The following FGD5 variants were observed in gnomAD, a reference collection of about 807,000 sequenced individuals.
FGD5 encodes FYVE, RhoGEF and PH domain containing 5.
In FGD5, 28 loss-of-function variants were observed where a neutral mutation model predicts 133.4. The ratio of observed to expected loss-of-function variants is 0.21; its 90% confidence interval spans 0.16 to 0.29. The LOEUF is 0.29. Among genes scored for constraint, FGD5 ranks in the 10% least tolerant of loss-of-function variants. FGD5 has a pLI of 1.00. For missense variants in FGD5, 1,858 were observed against 1,895.2 expected (o/e 0.98, Z 0.36); for synonymous variants, 810 against 776.5 (o/e 1.04, Z -0.72).
intron 1 of FGD5, among the ~76,000 whole-genome samples, chr3:14,843,182 C>T (rs758590433): frequency 1.4e-4 from 21 of 152,040 alleles, no homozygotes; most frequent in Non-Finnish European, 2.4e-4. Flanking sequence ...CTGTGGCTCT[C>T]GATGAAAGGA....
intron 1 of FGD5, among the ~76,000 whole-genome samples, chr3:14,859,364 C>T (rs1169025708): frequency 6.6e-6 from 1 of 152,068 alleles, no homozygotes; most frequent in Admixed American, 6.6e-5. Flanking sequence ...CGAGACCAGC[C>T]TGGCCAAGAT....
intron 2 of FGD5, among the ~76,000 whole-genome samples, chr3:14,873,261 T>G (rs1207129292): frequency 6.6e-6 from 1 of 152,088 alleles, no homozygotes; most frequent in African/African-American, 2.4e-5. Context: ...TTGAGGAGTT[T>G]AGGATTTTGT....
At chr3:14,876,172 G>A (rs967538693) in intron 2 of FGD5, among the ~76,000 whole-genome samples, 5 of 152,182 alleles carry the variant, frequency 3.3e-5, no homozygotes, top group African/African-American at 1.2e-4. Context: ...ACCATCCTGA[G>A]GGACAGGCCA....
intron 11 of FGD5, among the ~76,000 whole-genome samples, chr3:14,912,394 C>T (rs532372906): frequency 1.3e-3 from 203 of 152,190 alleles, no homozygotes; most frequent in Non-Finnish European, 2.4e-3. Flanking sequence ...CTGCAGTGGG[C>T]GAGATTTAGC....
intron 1 of FGD5, among the ~76,000 whole-genome samples, chr3:14,851,248 C>T (rs2037158251): frequency 6.6e-6 from 1 of 152,182 alleles, no homozygotes; most frequent in Non-Finnish European, 1.5e-5. Flanking sequence ...CAGATGTCAT[C>T]TCATCTGATC....
In FGD5 at chr3:14,851,246, A is replaced by G. The variant is rs149269733; in HGVS notation, c.2526-12882A>G. 2.0e-3 allele frequency among the ~76,000 whole-genome samples: 307 copies of G among 152,306 alleles called. 1 individual carries two copies. The highest frequency in any genetic ancestry group is 6.9e-3 in the African/African-American group (285 of 41,572). On this transcript the variant is annotated intron_variant, in intron 1 of 19. Transcript: ENST00000285046. ...GTCGTATACCTCATTTACAGATGTC[A>G]TCTCATCTGATCCCTACATAGACCC...
Position 14,897,646 on chromosome 3 carries a change from G to C in FGD5, c.2886G>C (p.Glu962Asp), listed in dbSNP as rs1282634363. ...ACCTTCATCAAGGCATCCTGGAGGAGCTGGAGGAAAGGCTGTCAAATTGGT... is the reference window on the plus strand; with the variant it reads ...ACCTTCATCAAGGCATCCTGGAGGACCTGGAGGAAAGGCTGTCAAATTGGT... The part of the protein sequence containing the change: ...IHDLHQGILE[E>D]LEERLSNWES... The change falls in exon 5 of 20, where the codon GAG (glutamate) becomes GAC (aspartate). Residue 962 changes from glutamate (E) to aspartate (D), a missense_variant. Around this residue, in one of 3 missense-constraint regions of FGD5, gnomAD observed 1,824 missense variants for 1,848.9 expected, o/e 0.99. Coordinates refer to ENST00000285046, the MANE Select transcript of FGD5 (RefSeq NM_152536.4). The C allele has an allele frequency of 6.2e-7, 1 of 1,605,362 alleles. No homozygotes were observed. Among genetic ancestry groups the C allele is most frequent in the South Asian group, 1.1e-5 (1 of 89,064 alleles).
At chr3:14,861,798 G>T (rs548829524) in intron 1 of FGD5, among the ~76,000 whole-genome samples, 2 of 152,166 alleles carry the variant, frequency 1.3e-5, no homozygotes, top group Non-Finnish European at 2.9e-5. Flanking sequence ...CCCAGGTCCC[G>T]CAGGCTTGCT....
At chr3:14,890,301 A>G (rs962535798) in intron 4 of FGD5, among the ~76,000 whole-genome samples, 1 of 152,056 alleles carries the variant, frequency 6.6e-6, no homozygotes, top group African/African-American at 2.4e-5. Flanking sequence ...CCCCATCACA[A>G]CATAGGCTCC....
intron 2 of FGD5, among the ~76,000 whole-genome samples, chr3:14,867,462 A>G (rs1214825846): frequency 2.6e-5 from 4 of 152,202 alleles, no homozygotes; most frequent in Non-Finnish European, 4.4e-5. Context: ...ATACCTCCTT[A>G]TGCACATAAA....
Position 14,819,107 on chromosome 3 carries a change from G to A in FGD5, c.36G>A (p.Lys12=). ...FRGPKPPIAP[K]PRLTAPNEWR... ...GTCCGAAGCCCCCCATTGCCCCCAA[G>A]CCCAGGCTGACTGCCCCAAACGAGT... Residue 12 remains lysine, a synonymous_variant, in exon 1 of 20, where the codon AAG becomes AAA. Transcript: ENST00000285046. The surrounding 1 kb of genome is among the most constrained non-coding windows in gnomAD (Gnocchi z 4.1). The A allele has an allele frequency of 1.9e-6, 3 of 1,550,360 alleles. No homozygotes were observed. Among genetic ancestry groups the A allele is most frequent in the Non-Finnish European group, 2.6e-6 (3 of 1,147,002 alleles).
intron 19 of FGD5, 144 bp downstream of exon 19, chr3:14,932,875 TG>T (rs1203271405): frequency 2.0e-6 from 2 of 1,017,900 alleles, no homozygotes. Context: ...CAGAACTACC[TG>T]TTCTTTGTCA....
chr3:14,859,638 T>TTTTG (rs1358812488), intron 1 of FGD5, among the ~76,000 whole-genome samples: 1 of 152,150 alleles, frequency 6.6e-6, no homozygotes, highest in Non-Finnish European at 1.5e-5. Flanking sequence ...GTTACTCTTA[T>TTTTG]TTTGAAATAT....
intron 2 of FGD5, among the ~76,000 whole-genome samples, chr3:14,875,050 C>G (rs567954188): frequency 3.9e-5 from 6 of 152,310 alleles, no homozygotes; most frequent in Non-Finnish European, 5.9e-5. Context: ...TTTCCAGCAG[C>G]TGTTGAAGGC....
rs1050826961 is a variant in FGD5, at chr3:14,855,650, T to TG, written c.2526-8477dup. Among the ~76,000 whole-genome samples the TG allele has an allele frequency of 5.6e-4, 84 of 148,800 alleles. 1 individual carries two copies. The highest frequency in any genetic ancestry group is 1.9e-3 in the African/African-American group (80 of 41,202). ...AAAATATACTTGTTGGCCATTTGTA[T>TG]GTTTTTTTTTTGAGAAATGTCTATT... On this transcript the variant is annotated intron_variant, in intron 1 of 19. Transcript: ENST00000285046.
At chr3:14,842,064 T>C (rs2036934276) in intron 1 of FGD5, among the ~76,000 whole-genome samples, 1 of 152,190 alleles carries the variant, frequency 6.6e-6, no homozygotes, top group Non-Finnish European at 1.5e-5. Context: ...CCCAGCGAAA[T>C]AGAACTACAC....
In FGD5 at chr3:14,819,286, C is replaced by T. The variant is rs561368486; in HGVS notation, c.215C>T (p.Pro72Leu). The change falls in exon 1 of 20, where the codon CCG (proline) becomes CTG (leucine). Residue 72 changes from proline to leucine, a missense_variant. By Grantham distance (98) the Pro-to-Leu change is moderately conservative. Around this residue, in one of 3 missense-constraint regions of FGD5, gnomAD observed 1,824 missense variants for 1,848.9 expected, o/e 0.99. Transcript: ENST00000285046. The surrounding 1 kb of genome is among the most constrained non-coding windows in gnomAD (Gnocchi z 4.1). The part of the protein sequence containing the change: ...DEDYIVVPRV[P>L]LREDEPKDEG... Reference sequence around the variant, plus strand: ...GATTACATCGTGGTCCCCAGGGTTCCGCTGAGGGAGGATGAACCCAAGGAC... The same window carrying T: ...GATTACATCGTGGTCCCCAGGGTTCTGCTGAGGGAGGATGAACCCAAGGAC... The T allele has an allele frequency of 4.0e-5, 61 of 1,529,888 alleles. No homozygotes were observed. The highest frequency in any genetic ancestry group is 1.4e-4 in the South Asian group (11 of 79,570). The allele number at this position is 1,529,888 out of a possible 1,614,324, so 94.8% of individuals were successfully genotyped here. A position where few individuals can be genotyped will look rare whatever the true frequency, so the allele number is the denominator to read the frequency against.
intron 1 of FGD5, among the ~76,000 whole-genome samples, chr3:14,839,983 C>G (rs930337187): frequency 1.3e-5 from 2 of 150,982 alleles, no homozygotes; most frequent in Admixed American, 1.3e-4. Context: ...TACAAAAAGC[C>G]ACAGGCACTC....
intron 1 of FGD5, among the ~76,000 whole-genome samples, chr3:14,822,001 G>A (rs1292970182): frequency 1.3e-5 from 2 of 152,238 alleles, no homozygotes; most frequent in Non-Finnish European, 2.9e-5. Flanking sequence ...TCGGGAGGCT[G>A]AGGCAGGAGA....
Sources: allele counts gnomAD v4.1 joint callset (sites outside exome capture counted in the v4.1 genomes callset), GRCh38; gene constraint gnomAD v4.1.1; regional missense constraint gnomAD v4.1.1; non-coding constraint Gnocchi (gnomAD v3.1); transcripts MANE v1.5; gene names NCBI Gene and HGNC (gene_info 2026-07-23, HGNC 2026-07-21).